Variants in PTPRT observed in about 807,000 individuals in gnomAD.
The protein encoded by PTPRT is protein tyrosine phosphatase receptor type T, also known as receptor-type tyrosine-protein phosphatase T.
Under a neutral mutation model 176.8 loss-of-function variants are expected in PTPRT, and 56 were observed. The observed-to-expected ratio is 0.32, with a 90% CI of 0.26 to 0.40. The LOEUF is 0.40. Ranked by LOEUF, PTPRT falls within the 10% of genes least tolerant of loss-of-function variation. PTPRT has a pLI of 1.00. For missense variants in PTPRT, 1,540 were observed against 1,908.2 expected, an observed-to-expected ratio of 0.81 and a Z score of 3.60; for synonymous variants, 783 against 739.0, an observed-to-expected ratio of 1.06 and a Z score of -0.96.
chr20:42,173,091 C>T (rs77403521), intron 16 of PTPRT, among the ~76,000 whole-genome samples: 3,694 of 152,250 alleles, frequency 0.024, 53 homozygotes, highest in Non-Finnish European at 0.035. Context: ...TTGTGATCTA[C>T]AAGGGCCATC....
intron 13 of PTPRT, among the ~76,000 whole-genome samples, chr20:42,274,366 AC>A (rs779047840): frequency 2.2e-4 from 33 of 152,172 alleles, no homozygotes; most frequent in Middle Eastern, 3.2e-3. Context: ...GTATTAAGCT[AC>A]TGGGAGTTGG....
chr20:42,912,337 A>G (rs1417649113), intron 1 of PTPRT, among the ~76,000 whole-genome samples: 1 of 152,160 alleles, frequency 6.6e-6, no homozygotes, highest in Non-Finnish European at 1.5e-5. Context: ...TATAAGTTCA[A>G]CTGGCCATTT....
intron 1 of PTPRT, among the ~76,000 whole-genome samples, chr20:42,902,451 G>C (rs1232118919): frequency 6.6e-6 from 1 of 152,152 alleles, no homozygotes; most frequent in East Asian, 1.9e-4. Context: ...CAGAAGCCAG[G>C]TGCTCCCACC....
chr20:42,449,203 G>T (rs2070783927), intron 8 of PTPRT, among the ~76,000 whole-genome samples: 1 of 152,318 alleles, frequency 6.6e-6, no homozygotes, highest in South Asian at 2.1e-4. Context: ...TTGTTGTTGA[G>T]TCCCAATGCC....
chr20:42,834,422 T>C (rs956915824), intron 2 of PTPRT, among the ~76,000 whole-genome samples: 2 of 152,130 alleles, frequency 1.3e-5, no homozygotes, highest in African/African-American at 4.8e-5. Flanking sequence ...CTCATGAGTA[T>C]GCAAAATGGT....
intron 1 of PTPRT, among the ~76,000 whole-genome samples, chr20:42,959,900 A>G (rs534906250): frequency 2.6e-5 from 4 of 152,310 alleles, no homozygotes; most frequent in Admixed American, 2.6e-4. Flanking sequence ...ACAGTGCCTT[A>G]TCTTCTGGAG....
At chr20:42,411,299 G>T (rs1450190744) in intron 9 of PTPRT, among the ~76,000 whole-genome samples, 1 of 151,666 alleles carries the variant, frequency 6.6e-6, no homozygotes, top group Admixed American at 6.6e-5. Flanking sequence ...ATGAAAATTA[G>T]CCAGGCCAAG....
chr20:42,529,265 T>G (rs1490384519), intron 7 of PTPRT, among the ~76,000 whole-genome samples: 3 of 152,036 alleles, frequency 2.0e-5, no homozygotes, highest in African/African-American at 7.3e-5. Context: ...TTGGTAAAGG[T>G]AATAAAAGGT....
At chr20:42,037,706 G>A in the PTPRT span, among the ~76,000 whole-genome samples, 4 of 152,304 alleles carry the variant, frequency 2.6e-5, no homozygotes, top group South Asian at 2.1e-4. Context: ...GAAATGTGCC[G>A]GTGGTTGAGA....
At chr20:42,798,266 T>C (rs1298026921) in intron 2 of PTPRT, among the ~76,000 whole-genome samples, 4 of 152,218 alleles carry the variant, frequency 2.6e-5, no homozygotes, top group Admixed American at 6.5e-5. Context: ...ACTTCCATTA[T>C]AGGTATTTTA....
At chr20:42,944,097 G>C (rs1402619701) in intron 1 of PTPRT, among the ~76,000 whole-genome samples, 1 of 152,116 alleles carries the variant, frequency 6.6e-6, no homozygotes, top group East Asian at 1.9e-4. Flanking sequence ...GCCCAGAAAA[G>C]CTCTGTGTCT....
At chr20:42,597,166 T>A (rs910446880) in intron 7 of PTPRT, among the ~76,000 whole-genome samples, 1 of 152,170 alleles carries the variant, frequency 6.6e-6, no homozygotes, top group African/African-American at 2.4e-5. Flanking sequence ...CTGCAGACTT[T>A]TTGAGGCTTG....
chr20:43,154,849 A>C (rs2867654), intron 1 of PTPRT, among the ~76,000 whole-genome samples: 143,671 of 152,216 alleles, frequency 0.94, 68,401 homozygotes, highest in East Asian at 1. Flanking sequence ...TCAAGCAATT[A>C]TATAGCAAGG....
chr20:42,111,603 T>TAAGCA (rs1317088998), intron 22 of PTPRT, among the ~76,000 whole-genome samples: 10 of 152,210 alleles, frequency 6.6e-5, no homozygotes, highest in Admixed American at 6.5e-4. Context: ...AAACATTAAC[T>TAAGCA]AAGCATTTAC....
At chr20:42,142,380 T>C (rs983896866) in intron 17 of PTPRT, among the ~76,000 whole-genome samples, 3 of 152,156 alleles carry the variant, frequency 2.0e-5, no homozygotes, top group African/African-American at 7.2e-5. Flanking sequence ...GAGCTTCCAG[T>C]CAACTAGGAA....
chr20:42,857,588 C>T (rs2078587972), intron 2 of PTPRT, among the ~76,000 whole-genome samples: 1 of 152,136 alleles, frequency 6.6e-6, no homozygotes, highest in Admixed American at 6.5e-5. Flanking sequence ...ACTGTTTTTC[C>T]CTGGAGCTCA....
At chr20:42,584,317 C>T (rs572074778) in intron 7 of PTPRT, among the ~76,000 whole-genome samples, 32 of 152,298 alleles carry the variant, frequency 2.1e-4, no homozygotes, top group South Asian at 1.7e-3. Context: ...TCATCTTTGG[C>T]CTTCCCATGG....
chr20:42,092,280 GC>G (rs1343899102), intron 27 of PTPRT, among the ~76,000 whole-genome samples: 1 of 152,174 alleles, frequency 6.6e-6, no homozygotes, highest in Non-Finnish European at 1.5e-5. Flanking sequence ...TCCGACTAAA[GC>G]CTCAGCTGAA....
At chr20:42,213,160 G>A (rs1041271123) in intron 15 of PTPRT, among the ~76,000 whole-genome samples, 3 of 139,746 alleles carry the variant, frequency 2.1e-5, no homozygotes, top group Non-Finnish European at 4.8e-5. Context: ...GCCCTGCCCT[G>A]ACCTACTGAA....
Sources: gnomAD v4.1 joint callset for allele counts (sites outside exome capture counted in the v4.1 genomes callset) on GRCh38, gnomAD v4.1.1 for gene constraint, MANE v1.5 for transcripts, NCBI Gene and HGNC (gene_info 2026-07-23, HGNC 2026-07-21) for gene names.